The following CCSER1 variants were observed in gnomAD, a reference collection of about 807,000 sequenced individuals.
CCSER1 encodes serine-rich coiled-coil domain-containing protein 1.
CCSER1 carries 41 observed loss-of-function variants against 82.0 expected under a neutral mutation model. That is an observed-to-expected ratio of 0.50 (90% CI 0.39 to 0.65). The LOEUF is 0.65. CCSER1 is among the 30% of genes least tolerant of loss of function. The pLI is 0.00. For missense variants in CCSER1, 1,119 were observed against 1,064.2 expected (o/e 1.05, Z -0.72); for synonymous variants, 414 against 383.9 (o/e 1.08, Z -0.92).
rs974202144 is a variant in CCSER1, at chr4:91,191,118, A to G, written c.2217+105124A>G. Among the ~76,000 whole-genome samples the G allele has an allele frequency of 1.9e-3, 294 of 152,328 alleles. 5 individuals carry two copies. The highest frequency in any genetic ancestry group is 3.9e-4 in the East Asian group (2 of 5,186). ...AAATGTAAAACTATAGGTAAATGCC[A>G]AGCATCATAGTTCATTTAGAAAGCT... On this transcript the variant is annotated intron_variant, in intron 10 of 10. Coordinates refer to ENST00000509176, the MANE Select transcript of CCSER1 (RefSeq NM_001145065.2).
intron 10 of CCSER1, among the ~76,000 whole-genome samples, chr4:91,421,351 T>C (rs1275291993): frequency 6.6e-6 from 1 of 152,150 alleles, no homozygotes; most frequent in Non-Finnish European, 1.5e-5. Context: ...AGAAACAGCA[T>C]AACTCTCGTC....
intron 10 of CCSER1, among the ~76,000 whole-genome samples, chr4:91,395,981 C>G (rs184132369): frequency 2.0e-5 from 3 of 152,074 alleles, no homozygotes; most frequent in Non-Finnish European, 4.4e-5. Flanking sequence ...GTTTGCCTGG[C>G]TCCTGCCATG....
chr4:90,392,763 A>T (rs1476863498), intron 3 of CCSER1, among the ~76,000 whole-genome samples: 1 of 152,206 alleles, frequency 6.6e-6, no homozygotes, highest in Non-Finnish European at 1.5e-5. Context: ...ACTCAAAACC[A>T]TAAGGTAAAT....
intron 1 of CCSER1, among the ~76,000 whole-genome samples, chr4:90,292,935 C>T (rs541202836): frequency 5.3e-5 from 8 of 151,892 alleles, no homozygotes; most frequent in South Asian, 4.2e-4. Flanking sequence ...ACATGTATTC[C>T]GATTAGTACT....
intron 10 of CCSER1, among the ~76,000 whole-genome samples, chr4:91,403,752 A>C (rs1169389232): frequency 6.6e-6 from 1 of 152,170 alleles, no homozygotes; most frequent in Non-Finnish European, 1.5e-5. Context: ...AGCTGACTTC[A>C]TCATCATGGA....
chr4:91,481,941 C>G (rs929030592), intron 10 of CCSER1, among the ~76,000 whole-genome samples: 3 of 151,960 alleles, frequency 2.0e-5, no homozygotes, highest in Non-Finnish European at 4.4e-5. Context: ...AAAAACAACC[C>G]CATCAAAAAG....
intron 10 of CCSER1, among the ~76,000 whole-genome samples, chr4:91,575,391 T>A (rs957393534): frequency 6.6e-6 from 1 of 151,834 alleles, no homozygotes; most frequent in Non-Finnish European, 1.5e-5. Context: ...CTAAAATATC[T>A]GCACAAGAAA....
At chr4:91,490,915 TATATATATATATAA>T (rs1447385998) in intron 10 of CCSER1, among the ~76,000 whole-genome samples, 1 of 79,504 alleles carries the variant, frequency 1.3e-5, no homozygotes, top group Non-Finnish European at 2.6e-5. Context: ...TATATATATA[TATATATATATATAA>T]AATATGCGTC....
intron 9 of CCSER1, among the ~76,000 whole-genome samples, chr4:90,941,963 T>TTTTG: frequency 1.3e-5 from 2 of 151,982 alleles, no homozygotes; most frequent in East Asian, 3.9e-4. Flanking sequence ...GTTTTGTTTT[T>TTTTG]TTTGAGACAA....
chr4:91,439,972 T>C (rs1754997279), intron 10 of CCSER1, among the ~76,000 whole-genome samples: 1 of 152,006 alleles, frequency 6.6e-6, no homozygotes, highest in African/African-American at 2.4e-5. Context: ...AAGCAAGTCC[T>C]GAGTGACCTA....
intron 5 of CCSER1, among the ~76,000 whole-genome samples, chr4:90,514,385 A>G (rs1436688261): frequency 6.6e-6 from 1 of 152,222 alleles, no homozygotes; most frequent in African/African-American, 2.4e-5. Context: ...ATTATAGACT[A>G]TAGATGTAAA....
chr4:90,684,417 T>A (rs535183689), intron 6 of CCSER1, among the ~76,000 whole-genome samples: 4 of 152,194 alleles, frequency 2.6e-5, no homozygotes, highest in Non-Finnish European at 5.9e-5. Context: ...TGCTATTCAT[T>A]ATTTTTGTCC....
At chr4:90,863,364 A>G (rs1765329575) in intron 8 of CCSER1, among the ~76,000 whole-genome samples, 1 of 151,970 alleles carries the variant, frequency 6.6e-6, no homozygotes, top group Non-Finnish European at 1.5e-5. Flanking sequence ...ATTCAAACAA[A>G]CATTATTCAC....
At chr4:90,603,093 C>A (rs1431476670) in intron 5 of CCSER1, among the ~76,000 whole-genome samples, 2 of 152,098 alleles carry the variant, frequency 1.3e-5, no homozygotes, top group Non-Finnish European at 2.9e-5. Flanking sequence ...AATTTTCTCC[C>A]AACATATTTA....
chr4:90,914,070 C>A lies in CCSER1; in HGVS notation c.2095-9300C>A, dbSNP rs576758176. Among the ~76,000 whole-genome samples, 39 of 152,234 alleles carry A rather than the reference C, an allele frequency of 2.6e-4. 2 individuals carry two copies. The South Asian group carries it at 6.4e-3, about 25-fold the overall frequency. ...GGAGGCTTTAACACCCCACTGTCAA[C>A]ATTAGACAGATCAACAAGACAGAAA... On this transcript the variant is annotated intron_variant, in intron 8 of 10. Transcript: ENST00000509176.
chr4:90,801,357 A>G (rs1394935991), intron 7 of CCSER1, among the ~76,000 whole-genome samples: 1 of 152,214 alleles, frequency 6.6e-6, no homozygotes. Context: ...AAAGATTGTG[A>G]TAGTAAAACA....
At chr4:90,664,086 G>C (rs1010170932) in intron 6 of CCSER1, among the ~76,000 whole-genome samples, 1 of 152,144 alleles carries the variant, frequency 6.6e-6, no homozygotes, top group African/African-American at 2.4e-5. Flanking sequence ...ACAAATAACT[G>C]TTTTGGCACA....
intron 10 of CCSER1, among the ~76,000 whole-genome samples, chr4:91,135,103 T>TA (rs1422276299): frequency 6.6e-6 from 1 of 151,974 alleles, no homozygotes; most frequent in African/African-American, 2.4e-5. Context: ...TCCCCCCACT[T>TA]ACTGACTACA....
intron 10 of CCSER1, among the ~76,000 whole-genome samples, chr4:91,473,632 AGAT>A (rs1391857729): frequency 1.3e-5 from 2 of 152,296 alleles, no homozygotes; most frequent in East Asian, 1.9e-4. Flanking sequence ...TATAAAATTA[AGAT>A]GATGATATAT....
Sources: allele counts gnomAD v4.1 joint callset (sites outside exome capture counted in the v4.1 genomes callset), GRCh38; gene constraint gnomAD v4.1.1; transcripts MANE v1.5; gene names NCBI Gene and HGNC (gene_info 2026-07-23, HGNC 2026-07-21).